The following DOK6 variants were observed in gnomAD, a reference collection of about 807,000 sequenced individuals.
DOK6 encodes the protein docking protein 6.
DOK6 carries 22 observed loss-of-function variants against 44.0 expected under a neutral mutation model. The observed-to-expected ratio is 0.50, with a 90% CI of 0.36 to 0.71. The LOEUF is 0.71. Among genes scored for constraint, DOK6 ranks in the 30% least tolerant of loss-of-function variants. The pLI is 0.00. For missense variants in DOK6, 340 were observed against 416.4 expected, an observed-to-expected ratio of 0.82 and a Z score of 1.60; for synonymous variants, 166 against 145.5, an observed-to-expected ratio of 1.14 and a Z score of -1.01.
intron 1 of DOK6, among the ~76,000 whole-genome samples, chr18:69,514,344 A>T (rs1360447409): frequency 6.6e-6 from 1 of 152,178 alleles, no homozygotes; most frequent in Non-Finnish European, 1.5e-5. Flanking sequence ...CCTCTTGAAA[A>T]ATTAACAAGA....
Position 69,548,890 on chromosome 18 carries a change from A to G in DOK6, c.67-15597A>G, listed in dbSNP as rs771760308. On this transcript the variant is annotated intron_variant, in intron 1 of 7. Coordinates refer to ENST00000382713, the MANE Select transcript of DOK6 (RefSeq NM_152721.6). ...GGGCGGATCACGAGGTCAGGAGATC[A>G]AGACCATCCTGGCTAACATGGTGAA... 4.4e-4 allele frequency among the ~76,000 whole-genome samples: 66 copies of G among 151,286 alleles called. 3 individuals carry two copies. Among genetic ancestry groups the G allele is most frequent in the African/African-American group, 1.2e-3 (50 of 41,462 alleles).
At chr18:69,609,202 C>T (rs997704137) in intron 3 of DOK6, among the ~76,000 whole-genome samples, 5 of 152,066 alleles carry the variant, frequency 3.3e-5, no homozygotes, top group African/African-American at 1.2e-4. Context: ...AAGACATCAA[C>T]AGGATGAAAA....
chr18:69,629,094 G>T (rs1430484160), intron 3 of DOK6, among the ~76,000 whole-genome samples: 1 of 152,190 alleles, frequency 6.6e-6, no homozygotes, highest in South Asian at 2.1e-4. Context: ...CCCATCAGAG[G>T]GAATGTTGGG....
At chr18:69,751,679 C>G (rs1333109463) in intron 6 of DOK6, among the ~76,000 whole-genome samples, 1 of 152,030 alleles carries the variant, frequency 6.6e-6, no homozygotes, top group Non-Finnish European at 1.5e-5. Context: ...TGCATGTTCT[C>G]TACTACAAAA....
At chr18:69,495,295 A>T (rs1300342599) in intron 1 of DOK6, among the ~76,000 whole-genome samples, 1 of 152,222 alleles carries the variant, frequency 6.6e-6, no homozygotes, top group African/African-American at 2.4e-5. Context: ...GTGGCGAGCA[A>T]GGGGCATGTT....
chr18:69,712,203 T>C (rs372430282), intron 5 of DOK6, among the ~76,000 whole-genome samples: 46 of 127,000 alleles, frequency 3.6e-4, no homozygotes, highest in East Asian at 2.1e-3. Flanking sequence ...ATGGCGTGAA[T>C]CCGGGAGGCA....
chr18:69,593,590 A>C (rs1983671341), intron 2 of DOK6, among the ~76,000 whole-genome samples: 2 of 152,196 alleles, frequency 1.3e-5, no homozygotes, highest in African/African-American at 4.8e-5. Flanking sequence ...TTTACAGAAG[A>C]GCAAACACTG....
intron 3 of DOK6, among the ~76,000 whole-genome samples, chr18:69,616,437 T>A (rs34734297): frequency 8.6e-4 from 24 of 27,910 alleles, no homozygotes; most frequent in Admixed American, 1.5e-3. Context: ...AGATTTTTCC[T>A]AAGGTCAACC....
At position 69,782,506 on chromosome 18, in the gene DOK6, C is replaced by T. The variant is rs971406471; in HGVS notation, c.856+24633C>T. Among the ~76,000 whole-genome samples, 5 of 152,008 alleles carry T rather than the reference C, an allele frequency of 3.3e-5. No homozygotes were observed. The South Asian group carries it at 1.0e-3, about 32-fold the overall frequency. ...GATTACAGGCGTGAGCCACCGCACT[C>T]GGCCGTGTTCTAAGATCTTCTAAAG... On this transcript the variant is annotated intron_variant, in intron 7 of 7. Coordinates refer to ENST00000382713, the MANE Select transcript of DOK6 (RefSeq NM_152721.6).
intron 7 of DOK6, among the ~76,000 whole-genome samples, chr18:69,767,096 G>A (rs1397837455): frequency 6.6e-6 from 1 of 152,108 alleles, no homozygotes; most frequent in East Asian, 1.9e-4. Flanking sequence ...GCCAGGCATG[G>A]TGGCTCACAC....
At chr18:69,579,662 C>A (rs1004981694) in intron 2 of DOK6, among the ~76,000 whole-genome samples, 2 of 151,972 alleles carry the variant, frequency 1.3e-5, no homozygotes, top group Non-Finnish European at 2.9e-5. Context: ...CTCCCTCGTT[C>A]AAATGATTCT....
intron 1 of DOK6, among the ~76,000 whole-genome samples, chr18:69,418,593 C>T (rs1186845974): frequency 6.6e-6 from 1 of 152,002 alleles, no homozygotes; most frequent in Non-Finnish European, 1.5e-5. Flanking sequence ...TCCCCAGTAT[C>T]TGGGACTACA....
At chr18:69,541,361 G>A (rs1936850258) in intron 1 of DOK6, among the ~76,000 whole-genome samples, 1 of 151,486 alleles carries the variant, frequency 6.6e-6, no homozygotes, top group South Asian at 2.1e-4. Flanking sequence ...AAGCCTTAAA[G>A]CAAGGAAGCA....
intron 1 of DOK6, among the ~76,000 whole-genome samples, chr18:69,458,528 G>C (rs553617401): frequency 6.6e-6 from 1 of 152,222 alleles, no homozygotes; most frequent in African/African-American, 2.4e-5. Flanking sequence ...CATAGTACTG[G>C]AAGTCCTAGT....
chr18:69,652,584 G>T (rs185272381), intron 3 of DOK6, among the ~76,000 whole-genome samples: 3 of 152,104 alleles, frequency 2.0e-5, no homozygotes, highest in African/African-American at 7.2e-5. Context: ...CCCACCACAC[G>T]CCTCTAAGCT....
At chr18:69,799,194 A>G (rs1980832974) in intron 7 of DOK6, among the ~76,000 whole-genome samples, 1 of 152,078 alleles carries the variant, frequency 6.6e-6, no homozygotes, top group Non-Finnish European at 1.5e-5. Context: ...CTAAAAGGAA[A>G]TACTTCTTCA....
rs570740106 is a variant in DOK6, at chr18:69,411,479, C to T, written c.66+10169C>T. On this transcript the variant is annotated intron_variant, in intron 1 of 7. Coordinates refer to ENST00000382713, the MANE Select transcript of DOK6 (RefSeq NM_152721.6). The stretch of plus-strand genomic sequence containing the variant: ...GCTAGCCAGGATGGAGAACCATTGC[C>T]ACAGAAGTATTTTGTTTTTCTAGCT... Among the ~76,000 whole-genome samples, 3 of 152,178 alleles carry T rather than the reference C, an allele frequency of 2.0e-5. No individual in the cohort carries two copies. The East Asian group carries it at 5.8e-4, about 29-fold the overall frequency.
intron 1 of DOK6, among the ~76,000 whole-genome samples, chr18:69,541,360 A>T (rs1982263956): frequency 6.6e-6 from 1 of 151,570 alleles, no homozygotes; most frequent in East Asian, 1.9e-4. Context: ...TAAGCCTTAA[A>T]GCAAGGAAGC....
At chr18:69,730,860 A>G (rs1412521997) in intron 5 of DOK6, among the ~76,000 whole-genome samples, 4 of 152,206 alleles carry the variant, frequency 2.6e-5, no homozygotes, top group Non-Finnish European at 4.4e-5. Context: ...TAATCTCAGC[A>G]CTTTGGGAGG....
Sources: gnomAD v4.1 joint callset for allele counts (sites outside exome capture counted in the v4.1 genomes callset) on GRCh38, gnomAD v4.1.1 for gene constraint, MANE v1.5 for transcripts, NCBI Gene and HGNC (gene_info 2026-07-23, HGNC 2026-07-21) for gene names.